Variants in BRPF3 observed in about 807,000 individuals in gnomAD.
BRPF3 encodes the protein bromodomain and PHD finger-containing protein 3.
BRPF3 carries 18 observed loss-of-function variants against 102.0 expected under a neutral mutation model. That is an observed-to-expected ratio of 0.18 (90% CI 0.12 to 0.26). BRPF3 has a LOEUF of 0.26. BRPF3 is among the 10% of genes least tolerant of loss of function. The pLI is 1.00. For missense variants in BRPF3, 1,147 were observed against 1,567.8 expected (o/e 0.73, Z 4.53); for synonymous variants, 570 against 614.2 (o/e 0.93, Z 1.06).
intron 9 of BRPF3, among the ~76,000 whole-genome samples, chr6:36,218,553 G>A (rs1417026103): frequency 1.3e-5 from 2 of 150,410 alleles, no homozygotes; most frequent in African/African-American, 4.9e-5. Context: ...TCCGCCTCCT[G>A]GGTTCAAGTG....
chr6:36,227,571 A>G (rs116140495), intron 11 of BRPF3, among the ~76,000 whole-genome samples: 254 of 152,340 alleles, frequency 1.7e-3, no homozygotes, highest in Middle Eastern at 0.014. Flanking sequence ...ATTTTTCACA[A>G]TCTACCCTCT....
At position 36,200,300 on chromosome 6, in the gene BRPF3, T is replaced by C. The variant is rs1383260723; in HGVS notation, c.-23T>C. The stretch of plus-strand genomic sequence containing the variant: ...TCTCCTGGCCTTCTCTCCTTAGGCC[T>C]GTCCCCTCAGTTCCCAGGTGCCATG... On this transcript the variant is annotated 5_prime_UTR_variant, in exon 2 of 13. Coordinates refer to ENST00000357641, the MANE Select transcript of BRPF3 (RefSeq NM_015695.3). This position sits in a 1 kb window ranked among gnomAD's most constrained non-coding sequence, Gnocchi z 5.3. The C allele has an allele frequency of 1.2e-6, 2 of 1,605,264 alleles. No individual in the cohort carries two copies. The highest frequency in any genetic ancestry group is 1.7e-5 in the Admixed American group (1 of 59,406).
chr6:36,204,081 A>G (rs893525688), intron 2 of BRPF3, among the ~76,000 whole-genome samples: 1 of 152,030 alleles, frequency 6.6e-6, no homozygotes, highest in East Asian at 1.9e-4. Context: ...ATCCTCTTAC[A>G]TCTTTAGATC....
At chr6:36,202,420 C>G (rs74525015) in intron 2 of BRPF3, among the ~76,000 whole-genome samples, 10 of 142,832 alleles carry the variant, frequency 7.0e-5, no homozygotes, top group East Asian at 6.0e-4. Context: ...ACCCCCCCCC[C>G]CTCCGCCCCC....
rs79140193 is a variant in BRPF3 at position 36,226,040 on chromosome 6, T to C, written c.3279+676T>C. Among the ~76,000 whole-genome samples the C allele has an allele frequency of 2.2e-3, 342 of 152,368 alleles. 5 individuals carry two copies. In the East Asian group the frequency reaches 0.041, roughly 18 times the overall value. On this transcript the variant is annotated intron_variant, in intron 11 of 12. Coordinates refer to ENST00000357641, the MANE Select transcript of BRPF3 (RefSeq NM_015695.3). ...CTTCATCAACATCACTTTTAATGAT[T>C]GCATCGTCTTCAGTTGTATGCATGT... is the stretch of plus-strand genomic sequence containing the variant.
Position 36,230,812 on chromosome 6 carries a change from C to G in BRPF3, c.*203C>G. ...TGGCAGGCCTGCTGTGTGCCAAAAA[C>G]TCCCACCCAAGGTCCCTCAGGGGAT... On this transcript the variant is annotated 3_prime_UTR_variant, in exon 13 of 13. Transcript: ENST00000357641. This position sits in a 1 kb window ranked among gnomAD's most constrained non-coding sequence, Gnocchi z 5.4. 1 of 609,918 alleles carries G rather than the reference C, an allele frequency of 1.6e-6. No individual in the cohort carries two copies. The highest frequency in any genetic ancestry group is 2.8e-6 in the Non-Finnish European group (1 of 359,072). The allele number at this position is 609,918 out of a possible 1,614,324, so 37.8% of individuals were successfully genotyped here.
intron 9 of BRPF3, among the ~76,000 whole-genome samples, chr6:36,220,084 A>G (rs1350980597): frequency 2.0e-5 from 3 of 152,234 alleles, no homozygotes; most frequent in Non-Finnish European, 4.4e-5. Context: ...TAAATAAGAT[A>G]ACTGTAGGTT....
intron 8 of BRPF3, 25 bp downstream of exon 8, chr6:36,214,411 G>T: frequency 6.6e-7 from 1 of 1,526,288 alleles, no homozygotes; most frequent in South Asian, 1.3e-5. Context: ...GACTTCTCTT[G>T]ATACTTCGCA....
At chr6:36,223,654 A>G (rs1768630259) in intron 10 of BRPF3, among the ~76,000 whole-genome samples, 1 of 152,060 alleles carries the variant, frequency 6.6e-6, no homozygotes, top group African/African-American at 2.4e-5. Flanking sequence ...TAATCTTTAT[A>G]TATCTCATAT....
At chr6:36,198,959 A>G (rs187873037) in intron 1 of BRPF3, among the ~76,000 whole-genome samples, 3 of 152,350 alleles carry the variant, frequency 2.0e-5, no homozygotes. Flanking sequence ...TACCTCAGAT[A>G]CTGCCCAGAT....
chr6:36,224,202 A>T (rs769857192), intron 10 of BRPF3, among the ~76,000 whole-genome samples: 1 of 152,240 alleles, frequency 6.6e-6, no homozygotes, highest in African/African-American at 2.4e-5. Flanking sequence ...TCTCTACAAA[A>T]AAATAAATAA....
chr6:36,201,455 G>A lies in BRPF3; in HGVS notation c.1133G>A (p.Arg378His), dbSNP rs1356590847. 15 of 1,614,064 alleles carry A rather than the reference G, an allele frequency of 9.3e-6. No homozygotes were observed. Among genetic ancestry groups the A allele is most frequent in the Admixed American group, 3.3e-5 (2 of 60,000 alleles). Reference protein sequence around the residue: ...TSLNGTIFTVRKTAYCEAHSP... With the variant: ...TSLNGTIFTVHKTAYCEAHSP... Reference sequence around the variant, plus strand: ...CTCAATGGCACCATCTTTACAGTGCGCAAGACTGCCTACTGTGAGGCCCAC... The same window carrying A: ...CTCAATGGCACCATCTTTACAGTGCACAAGACTGCCTACTGTGAGGCCCAC... Residue 378 changes from arginine to histidine, a missense_variant, in exon 2 of 13, where the codon CGC (arginine) becomes CAC (histidine). Physicochemically the swap from Arg to His is conservative, Grantham distance 29. Transcript: ENST00000357641. This position sits in a 1 kb window ranked among gnomAD's most constrained non-coding sequence, Gnocchi z 5.1.
intron 10 of BRPF3, among the ~76,000 whole-genome samples, chr6:36,223,290 T>C (rs1299764073): frequency 1.3e-5 from 2 of 152,244 alleles, no homozygotes; most frequent in Non-Finnish European, 1.5e-5. Context: ...TGTGTGTTGA[T>C]GAATGCATGC....
chr6:36,207,592 T>C (rs1767950806), intron 4 of BRPF3, 148 bp downstream of exon 4: 3 of 1,134,682 alleles, frequency 2.6e-6, no homozygotes, highest in Non-Finnish European at 3.7e-6. Flanking sequence ...AAGATCTGCC[T>C]ACTTTGTATT....
intron 6 of BRPF3, 44 bp from the exon 7 acceptor site, chr6:36,211,214 G>T: frequency 6.3e-7 from 1 of 1,584,480 alleles, no homozygotes; most frequent in Non-Finnish European, 8.6e-7. Context: ...GCCCTGTGCT[G>T]GGCAGGTCCT....
chr6:36,218,129 A>G (rs1445740743), intron 9 of BRPF3, 119 bp downstream of exon 9: 2 of 807,416 alleles, frequency 2.5e-6, no homozygotes, highest in South Asian at 1.8e-5. Flanking sequence ...CACTCCTGCT[A>G]TTTCCTGAGG....
chr6:36,205,927 C>T (rs1767889553), intron 3 of BRPF3, among the ~76,000 whole-genome samples: 1 of 151,960 alleles, frequency 6.6e-6, no homozygotes, highest in African/African-American at 2.4e-5. Context: ...TATCTTTTTT[C>T]CTCTCAGTAA....
intron 4 of BRPF3, among the ~76,000 whole-genome samples, chr6:36,208,734 GAGA>G (rs1430138681): frequency 6.6e-6 from 1 of 152,246 alleles, no homozygotes; most frequent in Admixed American, 6.5e-5. Flanking sequence ...AAATGAGAGA[GAGA>G]AGAAGGCCTG....
intron 11 of BRPF3, 121 bp downstream of exon 11, chr6:36,225,485 G>A (rs969842432): frequency 4.5e-6 from 4 of 879,736 alleles, no homozygotes; most frequent in Non-Finnish European, 6.8e-6. Flanking sequence ...AGAGGGGAGG[G>A]GGGTTTTGCC....
Sources: allele counts gnomAD v4.1 joint callset (sites outside exome capture counted in the v4.1 genomes callset), GRCh38; gene constraint gnomAD v4.1.1; non-coding constraint Gnocchi (gnomAD v3.1); transcripts MANE v1.5; gene names NCBI Gene and HGNC (gene_info 2026-07-23, HGNC 2026-07-21).